Variants in TRPM3 observed in about 807,000 individuals in gnomAD.
The protein encoded by TRPM3 is transient receptor potential cation channel subfamily M member 3, also known as long transient receptor potential channel 3.
TRPM3 carries 77 observed loss-of-function variants against 181.2 expected under a neutral mutation model. The observed-to-expected ratio is 0.42, with a 90% CI of 0.35 to 0.51. TRPM3 has a LOEUF of 0.51. TRPM3 is among the 20% of genes least tolerant of loss of function. TRPM3 has a pLI of 0.01. For missense variants in TRPM3, 1,759 were observed against 2,196.7 expected (o/e 0.80, Z 3.98); for synonymous variants, 745 against 796.4 (o/e 0.94, Z 1.09).
intron 9 of TRPM3, among the ~76,000 whole-genome samples, chr9:70,659,175 C>T (rs2060775059): frequency 6.6e-6 from 1 of 152,112 alleles, no homozygotes; most frequent in South Asian, 2.1e-4. Context: ...GGTTATTTTA[C>T]CAAGACTTTG....
chr9:71,213,313 A>T (rs1441072530), intron 1 of TRPM3, among the ~76,000 whole-genome samples: 3 of 152,192 alleles, frequency 2.0e-5, no homozygotes, highest in Non-Finnish European at 4.4e-5. Context: ...CATTAAAAAA[A>T]TTTTAAATAC....
chr9:71,147,586 C>G (rs894785501), intron 1 of TRPM3, among the ~76,000 whole-genome samples: 1 of 152,124 alleles, frequency 6.6e-6, no homozygotes, highest in Non-Finnish European at 1.5e-5. Context: ...TGACAAAAAC[C>G]CTCAAGAGAT....
chr9:70,537,102 T>A lies in TRPM3; in HGVS notation c.4011A>T (p.Pro1337=). 6.2e-7 allele frequency: 1 copy of A among 1,609,420 alleles called. No homozygotes were observed. The highest frequency in any genetic ancestry group is 8.5e-7 in the Non-Finnish European group (1 of 1,176,006). The change falls in exon 26 of 26, where the codon CCA becomes CCT. Residue 1337 remains proline, a synonymous_variant. Coordinates refer to ENST00000677713, the MANE Select transcript of TRPM3 (RefSeq NM_001366145.2). ...TACGGGGCATTAAGGTTGGAGAAGTTGGGGACATGGTCTCCTCACCTGCAG... is the reference window on the plus strand; with the variant it reads ...TACGGGGCATTAAGGTTGGAGAAGTAGGGGACATGGTCTCCTCACCTGCAG... The part of the protein sequence containing the change: ...IDPAGEETMS[P]TSPTLMPRMR...
At chr9:70,780,552 T>G (rs1007858875) in intron 7 of TRPM3, among the ~76,000 whole-genome samples, 1 of 151,998 alleles carries the variant, frequency 6.6e-6, no homozygotes, top group African/African-American at 2.4e-5. Context: ...TCTCTTAACA[T>G]AAAGCACACT....
intron 1 of TRPM3, among the ~76,000 whole-genome samples, chr9:71,313,847 A>C (rs1260062356): frequency 6.6e-6 from 1 of 152,110 alleles, no homozygotes; most frequent in African/African-American, 2.4e-5. Flanking sequence ...TAAATATTGA[A>C]AGAGTATAAT....
At chr9:70,575,511 C>CT (rs933273378) in intron 22 of TRPM3, among the ~76,000 whole-genome samples, 6 of 151,996 alleles carry the variant, frequency 3.9e-5, no homozygotes, top group African/African-American at 1.2e-4. Context: ...TATTTATTAA[C>CT]TTTTTTTTTC....
intron 1 of TRPM3, among the ~76,000 whole-genome samples, chr9:71,405,584 T>TCTGTG (rs1390511204): frequency 1.3e-5 from 2 of 152,232 alleles, no homozygotes; most frequent in African/African-American, 4.8e-5. Flanking sequence ...AAAAGTAAGC[T>TCTGTG]TAAACCACTC....
chr9:71,073,182 A>AT (rs2062999335), intron 1 of TRPM3, among the ~76,000 whole-genome samples: 1 of 152,202 alleles, frequency 6.6e-6, no homozygotes, highest in South Asian at 2.1e-4. Context: ...GAAAACAAAA[A>AT]TAATACTAAA....
intron 1 of TRPM3, among the ~76,000 whole-genome samples, chr9:71,329,219 A>G (rs562442434): frequency 7.3e-4 from 111 of 152,344 alleles, no homozygotes; most frequent in African/African-American, 2.6e-3. Context: ...TTAATTATCA[A>G]CCGCCTTGAC....
At chr9:71,300,739 A>T (rs2086692878) in intron 1 of TRPM3, among the ~76,000 whole-genome samples, 2 of 152,106 alleles carry the variant, frequency 1.3e-5, no homozygotes, top group African/African-American at 4.8e-5. Flanking sequence ...TTTTTCTTAC[A>T]ACTGTGTAAG....
chr9:71,128,631 G>C (rs1369409567), intron 1 of TRPM3, among the ~76,000 whole-genome samples: 1 of 152,072 alleles, frequency 6.6e-6, no homozygotes, highest in Non-Finnish European at 1.5e-5. Flanking sequence ...CCCACACACA[G>C]AATGTAGGTA....
intron 1 of TRPM3, among the ~76,000 whole-genome samples, chr9:71,200,832 G>T (rs926706946): frequency 6.6e-6 from 1 of 151,478 alleles, no homozygotes; most frequent in African/African-American, 2.4e-5. Context: ...TATCCAATTT[G>T]CCAGTCTGTG....
At position 71,045,272 on chromosome 9, in the gene TRPM3, G is replaced by A. The variant is rs73647939; in HGVS notation, c.177+75906C>T. On this transcript the variant is annotated intron_variant, in intron 1 of 25. Coordinates refer to ENST00000677713, the MANE Select transcript of TRPM3 (RefSeq NM_001366145.2). ...TTTTTTAAATGCTTTCACCCAATCT[G>A]GAATACCATCTCAATCCTCCTTCCA... Among the ~76,000 whole-genome samples, 751 of 151,948 alleles carry A rather than the reference G, an allele frequency of 4.9e-3. 8 individuals are homozygous for A. The highest frequency in any genetic ancestry group is 0.017 in the African/African-American group (716 of 41,418).
At chr9:70,921,114 CTCT>C (rs2096649038) in intron 1 of TRPM3, among the ~76,000 whole-genome samples, 1 of 152,180 alleles carries the variant, frequency 6.6e-6, no homozygotes, top group Non-Finnish European at 1.5e-5. Flanking sequence ...TGCTCACGTC[CTCT>C]TCATTCCTTG....
At chr9:71,107,284 C>T (rs1365619152) in intron 1 of TRPM3, among the ~76,000 whole-genome samples, 1 of 152,148 alleles carries the variant, frequency 6.6e-6, no homozygotes, top group East Asian at 1.9e-4. Context: ...GCGTCCTTGC[C>T]TTTGCCTGTA....
intron 1 of TRPM3, among the ~76,000 whole-genome samples, chr9:71,286,380 C>T (rs2085278051): frequency 6.6e-6 from 1 of 152,132 alleles, no homozygotes; most frequent in Admixed American, 6.6e-5. Context: ...CCTTCATGTG[C>T]AAAGCTCATT....
At chr9:71,234,791 G>A (rs893100318) in intron 1 of TRPM3, among the ~76,000 whole-genome samples, 3 of 152,192 alleles carry the variant, frequency 2.0e-5, no homozygotes, top group Admixed American at 2.0e-4. Flanking sequence ...CACTTTGGGA[G>A]ATACAATTCA....
chr9:70,694,755 C>G (rs545676934), intron 8 of TRPM3, among the ~76,000 whole-genome samples: 1 of 152,374 alleles, frequency 6.6e-6, no homozygotes, highest in African/African-American at 2.4e-5. Context: ...GCTGGGATTA[C>G]AGGCGTAAGC....
chr9:70,567,133 G>T (rs893360721), intron 22 of TRPM3, among the ~76,000 whole-genome samples: 1 of 152,162 alleles, frequency 6.6e-6, no homozygotes, highest in African/African-American at 2.4e-5. Context: ...TTGGATGCGG[G>T]AAAAATCCTT....
Sources: allele counts gnomAD v4.1 joint callset (sites outside exome capture counted in the v4.1 genomes callset), GRCh38; gene constraint gnomAD v4.1.1; transcripts MANE v1.5; gene names NCBI Gene and HGNC (gene_info 2026-07-23, HGNC 2026-07-21).